PLPPR5: variants seen among roughly 807,000 people sequenced by gnomAD.
PLPPR5 encodes phospholipid phosphatase-related protein type 5.
Under a neutral mutation model 33.9 loss-of-function variants are expected in PLPPR5, and 16 were observed. The ratio of observed to expected loss-of-function variants is 0.47; its 90% CI spans 0.32 to 0.72. The LOEUF (loss-of-function observed/expected upper bound fraction) is 0.72, where lower values mean the gene tolerates loss of function less well. Ranked by LOEUF, PLPPR5 falls within the 30% of genes least tolerant of loss-of-function variation. PLPPR5 has a pLI of 0.03. For missense variants in PLPPR5, 301 were observed against 406.7 expected, an observed-to-expected ratio of 0.74 and a Z score of 2.23; for synonymous variants, 163 against 150.3, an observed-to-expected ratio of 1.08 and a Z score of -0.62.
At chr1:98,911,939 A>C (rs554103064) in intron 5 of PLPPR5, among the ~76,000 whole-genome samples, 2 of 151,904 alleles carry the variant, frequency 1.3e-5, no homozygotes, top group African/African-American at 4.8e-5. Flanking sequence ...TTTATTTTGT[A>C]TTTTTTGTAG....
chr1:98,896,237 C>A lies in PLPPR5; in HGVS notation c.934-3133G>T, dbSNP rs1195545466. 3.3e-5 allele frequency among the ~76,000 whole-genome samples: 5 copies of A among 152,128 alleles called. No individual in the cohort carries two copies. In the East Asian group the frequency reaches 9.7e-4, roughly 29 times the overall value. On this transcript the variant is annotated intron_variant, in intron 5 of 5. Transcript: ENST00000263177. Reference sequence around the variant, plus strand: ...AGGAAGTTATTGTCTATTCACTTCCCAGCAGTATTTTTCCCATTAACATGG... The same window carrying A: ...AGGAAGTTATTGTCTATTCACTTCCAAGCAGTATTTTTCCCATTAACATGG...
Position 98,893,053 on chromosome 1 carries a change from A to C in PLPPR5, c.*19T>G, listed in dbSNP as rs1648333974. On this transcript the variant is annotated 3_prime_UTR_variant, in exon 6 of 6. Coordinates refer to ENST00000263177, the MANE Select transcript of PLPPR5 (RefSeq NM_001037317.2). ...AAAGGGATGATGTCCAATGCAGTGA[A>C]AAACCATCTGCTTCGATATCATGTG... 1 of 1,610,522 alleles carries C rather than the reference A, an allele frequency of 6.2e-7. No homozygotes were observed. Among genetic ancestry groups the C allele is most frequent in the African/African-American group, 1.3e-5 (1 of 74,752 alleles).
chr1:98,995,554 T>C (rs1652603544), intron 1 of PLPPR5, among the ~76,000 whole-genome samples: 1 of 152,096 alleles, frequency 6.6e-6, no homozygotes, highest in African/African-American at 2.4e-5. Context: ...TACAGGACTC[T>C]AGTAAGGCCT....
rs1652653981 is a variant in PLPPR5 at position 98,996,974 on chromosome 1, A to T, written c.237+7461T>A. Among the ~76,000 whole-genome samples the T allele has an allele frequency of 2.6e-5, 4 of 152,140 alleles. No individual in the cohort carries two copies. The South Asian group carries it at 8.3e-4, about 32-fold the overall frequency. On this transcript the variant is annotated intron_variant, in intron 1 of 5. Transcript: ENST00000263177. ...CTGAAGTAATAGGTTCAGATCCTAG[A>T]TATGTCATTTACCAACTGGAGCAAA...
At chr1:98,930,199 A>C (rs2101174600) in intron 3 of PLPPR5, among the ~76,000 whole-genome samples, 1 of 152,312 alleles carries the variant, frequency 6.6e-6, no homozygotes, top group Non-Finnish European at 1.5e-5. Flanking sequence ...AAAACTTAAA[A>C]TACATAAATA....
intron 3 of PLPPR5, among the ~76,000 whole-genome samples, chr1:98,942,826 A>C (rs1405745460): frequency 1.3e-5 from 2 of 152,348 alleles, no homozygotes; most frequent in East Asian, 3.9e-4. Flanking sequence ...CTGAGGCATC[A>C]GAGTGTACTG....
Position 98,950,861 on chromosome 1 carries a change from A to AT in PLPPR5, c.621+2208dup, listed in dbSNP as rs201660427. Among the ~76,000 whole-genome samples the AT allele has an allele frequency of 8.9e-4, 134 of 150,632 alleles. 3 individuals carry two copies. Among genetic ancestry groups the AT allele is most frequent in the African/African-American group, 2.7e-3 (112 of 41,032 alleles). ...ACCACACCTGGCTGAGGTTTTGCTT[A>AT]TTTTTTTTTCTTTCTCTCTCTCTTT... is the stretch of plus-strand genomic sequence containing the variant. On this transcript the variant is annotated intron_variant, in intron 3 of 5. Coordinates refer to ENST00000263177, the MANE Select transcript of PLPPR5 (RefSeq NM_001037317.2).
intron 1 of PLPPR5, among the ~76,000 whole-genome samples, chr1:98,984,010 C>T (rs1652155339): frequency 6.7e-6 from 1 of 149,360 alleles, no homozygotes; most frequent in Non-Finnish European, 1.5e-5. Flanking sequence ...TTTTCTTGTG[C>T]ACTTAGGTAA....
At chr1:98,986,026 T>A (rs746305514) in intron 1 of PLPPR5, among the ~76,000 whole-genome samples, 5 of 151,994 alleles carry the variant, frequency 3.3e-5, no homozygotes, top group East Asian at 1.9e-4. Context: ...AATGAGTAAA[T>A]TTGGAGAATG....
chr1:98,920,458 A>G (rs797014005), intron 4 of PLPPR5, among the ~76,000 whole-genome samples: 20 of 16,350 alleles, frequency 1.2e-3, no homozygotes, highest in African/African-American at 2.0e-3. Context: ...AGTCAATGCA[A>G]AAAAAAAAAA....
At chr1:98,998,573 T>G (rs993721757) in intron 1 of PLPPR5, among the ~76,000 whole-genome samples, 4 of 152,180 alleles carry the variant, frequency 2.6e-5, no homozygotes, top group Non-Finnish European at 5.9e-5. Context: ...ATAAAAGGTT[T>G]GAGAAAATTT....
At chr1:98,998,974 A>T (rs995887629) in intron 1 of PLPPR5, among the ~76,000 whole-genome samples, 1 of 152,172 alleles carries the variant, frequency 6.6e-6, no homozygotes, top group African/African-American at 2.4e-5. Flanking sequence ...AATTTTAGCT[A>T]ATGTTAGCCC....
intron 1 of PLPPR5, among the ~76,000 whole-genome samples, chr1:98,993,928 C>T (rs1236966109): frequency 6.6e-6 from 1 of 152,010 alleles, no homozygotes; most frequent in African/African-American, 2.4e-5. Context: ...ATTCAATTTT[C>T]CTTAGAGAGG....
chr1:98,998,764 T>C (rs1652721855), intron 1 of PLPPR5, among the ~76,000 whole-genome samples: 2 of 152,206 alleles, frequency 1.3e-5, no homozygotes, highest in African/African-American at 4.8e-5. Context: ...GTTGTGAAAA[T>C]TGATTACATT....
chr1:98,956,906 G>A (rs1056704206), intron 1 of PLPPR5, among the ~76,000 whole-genome samples, 165 bp from the exon 2 acceptor site: 6 of 151,990 alleles, frequency 3.9e-5, no homozygotes, highest in Non-Finnish European at 5.9e-5. Context: ...AGCCTTGTCC[G>A]TATGTATGTA....
intron 1 of PLPPR5, among the ~76,000 whole-genome samples, chr1:98,991,446 C>G (rs549891876): frequency 1.3e-5 from 2 of 152,208 alleles, no homozygotes; most frequent in African/African-American, 4.8e-5. Flanking sequence ...ACTTTCTACT[C>G]CATTTGCAAG....
At chr1:98,963,692 A>G (rs1021973031) in intron 1 of PLPPR5, among the ~76,000 whole-genome samples, 2 of 152,162 alleles carry the variant, frequency 1.3e-5, no homozygotes, top group African/African-American at 4.8e-5. Context: ...CTGCCCACTT[A>G]CAGGTCACAC....
rs1017502326 is a variant in PLPPR5 at position 98,979,236 on chromosome 1, G to T, written c.238-22495C>A. On this transcript the variant is annotated intron_variant, in intron 1 of 5. Coordinates refer to ENST00000263177, the MANE Select transcript of PLPPR5 (RefSeq NM_001037317.2). ...GAGCCCTTCTAATTTCTTCAGAGCA[G>T]TTTTCTTGTTCTTTACTCACTGCAA... Among the ~76,000 whole-genome samples the T allele has an allele frequency of 3.3e-5, 5 of 151,974 alleles. 1 individual carries two copies. The highest frequency in any genetic ancestry group is 3.3e-4 in the Admixed American group (5 of 15,248).
At chr1:98,995,437 G>T (rs917085011) in intron 1 of PLPPR5, among the ~76,000 whole-genome samples, 1 of 152,086 alleles carries the variant, frequency 6.6e-6, no homozygotes, top group Non-Finnish European at 1.5e-5. Context: ...TAACAAACCT[G>T]CATATGTACC....
Sources: allele counts gnomAD v4.1 joint callset (sites outside exome capture counted in the v4.1 genomes callset), GRCh38; gene constraint gnomAD v4.1.1; transcripts MANE v1.5; gene names NCBI Gene and HGNC (gene_info 2026-07-23, HGNC 2026-07-21).